The following FAM199X variants were observed in gnomAD, a reference collection of about 807,000 sequenced individuals.
FAM199X encodes protein FAM199X.
A neutral mutation model predicts 22.9 loss-of-function variants in FAM199X; 4 were observed. The observed-to-expected ratio is 0.17, with a 90% CI of 0.09 to 0.40. The LOEUF (loss-of-function observed/expected upper bound fraction) is 0.40. FAM199X is among the 10% of genes least tolerant of loss of function. The pLI is 1.00. For missense variants in FAM199X, 183 were observed against 306.8 expected, an observed-to-expected ratio of 0.60 and a Z score of 3.01; for synonymous variants, 101 against 112.3, an observed-to-expected ratio of 0.90 and a Z score of 0.64.
In FAM199X at chrX:104,179,682, T is replaced by C. The variant is rs1489489197; in HGVS notation, c.417+3840T>C. Among the ~76,000 whole-genome samples, 4 of 111,655 alleles carry C rather than the reference T, an allele frequency of 3.6e-5. No individual in the cohort carries two copies. In the Admixed American group the frequency reaches 3.8e-4, roughly 11 times the overall value. On this transcript the variant is annotated intron_variant, in intron 2 of 5. Coordinates refer to ENST00000493442, the MANE Select transcript of FAM199X (RefSeq NM_207318.4). ...GCTAGATCTCCTGTACAGTGTTGAA[T>C]AGAAGTGGTGAAAGTGAGCATCCTT... is the stretch of plus-strand genomic sequence containing the variant.
the FAM199X span, among the ~76,000 whole-genome samples, chrX:104,157,692 A>G: frequency 8.9e-6 from 1 of 112,081 alleles, no homozygotes; most frequent in Non-Finnish European, 1.9e-5. Context: ...TCTGGCTAAT[A>G]AATAATAAAT....
upstream of FAM199X, among the ~76,000 whole-genome samples, chrX:104,165,828 T>C (rs1015386417): frequency 1.8e-5 from 2 of 111,328 alleles, no homozygotes; most frequent in Admixed American, 1.9e-4. Context: ...TAGTCTCCTT[T>C]GGGAGTCAGG....
chrX:104,192,593 T>G lies in FAM199X; in HGVS notation c.*2815T>G, dbSNP rs1921967368. The G allele has an allele frequency of 8.9e-6, 1 of 112,013 alleles. No homozygotes were observed. Among genetic ancestry groups the G allele is most frequent in the Non-Finnish European group, 1.9e-5 (1 of 53,015 alleles). 9.2% of individuals were successfully genotyped at this position (112,013 alleles called of 1,213,427 possible). On this transcript the variant is annotated 3_prime_UTR_variant, in exon 6 of 6. Coordinates refer to ENST00000493442, the MANE Select transcript of FAM199X (RefSeq NM_207318.4). ...TTAACAAAATGACATATATAATATT[T>G]TTCTATAGTTTTGCAACTGAATTAA...
At chrX:104,165,737 ACAAGTTGATT>A (rs1440204339), upstream of FAM199X, among the ~76,000 whole-genome samples, 1 of 111,154 alleles carries the variant, frequency 9.0e-6, no homozygotes, top group Non-Finnish European at 1.9e-5. Context: ...ATAACACCTA[ACAAGTTGATT>A]CAAGTTGAAC....
At chrX:104,176,168 G>A (rs1335144641) in intron 2 of FAM199X, among the ~76,000 whole-genome samples, 4 of 111,752 alleles carry the variant, frequency 3.6e-5, no homozygotes, top group African/African-American at 9.7e-5. Context: ...AATAGCTTTT[G>A]TGTCCTTATA....
intron 2 of FAM199X, among the ~76,000 whole-genome samples, chrX:104,181,539 C>G (rs1367446432): frequency 8.9e-6 from 1 of 112,136 alleles, no homozygotes; most frequent in Non-Finnish European, 1.9e-5. Context: ...AAAATAGACT[C>G]TGCTTAGTGA....
At chrX:104,171,288 A>G (rs1205947769) in intron 1 of FAM199X, among the ~76,000 whole-genome samples, 7 of 111,299 alleles carry the variant, frequency 6.3e-5, no homozygotes, top group Non-Finnish European at 1.1e-4. Flanking sequence ...AAATTTGGGC[A>G]GCAAGCCTAG....
intron 4 of FAM199X, 146 bp downstream of exon 4, chrX:104,186,767 A>G (rs1325756281): frequency 1.9e-6 from 1 of 523,007 alleles, no homozygotes; most frequent in African/African-American, 2.4e-5. Flanking sequence ...ATGATGGCAC[A>G]TTGATTTAAG....
chrX:104,180,990 CT>C (rs1262158051), intron 2 of FAM199X, among the ~76,000 whole-genome samples: 2 of 112,037 alleles, frequency 1.8e-5, no homozygotes, highest in Non-Finnish European at 3.8e-5. Flanking sequence ...TGATAATTTT[CT>C]TTGCTTTCAG....
chrX:104,170,507 A>G (rs1376700095), intron 1 of FAM199X, among the ~76,000 whole-genome samples: 1 of 112,068 alleles, frequency 8.9e-6, no homozygotes, highest in Non-Finnish European at 1.9e-5. Context: ...GAAGGTTTTC[A>G]ATAAATTTAG....
At chrX:104,178,940 C>A (rs1242026440) in intron 2 of FAM199X, among the ~76,000 whole-genome samples, 1 of 111,143 alleles carries the variant, frequency 9.0e-6, no homozygotes, top group Non-Finnish European at 1.9e-5. Context: ...CCAGCCTGGG[C>A]AACAAGGCAA....
chrX:104,190,202 T>C lies in FAM199X; in HGVS notation c.*424T>C, dbSNP rs1238625140. On this transcript the variant is annotated 3_prime_UTR_variant, in exon 6 of 6. Coordinates refer to ENST00000493442, the MANE Select transcript of FAM199X (RefSeq NM_207318.4). ...GTACTGCTGACAGTAGTTTATTATGTCAGTATACATACATGTGTAGAGATC... is the reference window on the plus strand; with the variant it reads ...GTACTGCTGACAGTAGTTTATTATGCCAGTATACATACATGTGTAGAGATC... The C allele has an allele frequency of 8.3e-6, 1 of 120,247 alleles. No homozygotes were observed. Among genetic ancestry groups the C allele is most frequent in the Non-Finnish European group, 1.7e-5 (1 of 58,095 alleles). The allele number at this position is 120,247 out of a possible 1,213,427, so 9.9% of individuals were successfully genotyped here. A position where few individuals can be genotyped will look rare whatever the true frequency, so the allele number is the denominator to read the frequency against.
At chrX:104,187,927 T>G in intron 4 of FAM199X, 113 bp from the exon 5 acceptor site, 6 of 931,192 alleles carry the variant, frequency 6.4e-6, no homozygotes, top group Non-Finnish European at 9.0e-6. Context: ...CGTATGCATC[T>G]GCAGCACTTT....
intron 5 of FAM199X, among the ~76,000 whole-genome samples, chrX:104,188,975 G>C (rs1921870547): frequency 8.9e-6 from 1 of 111,868 alleles, no homozygotes; most frequent in South Asian, 3.7e-4. Context: ...GATACACAAT[G>C]ATTCTTTCCC....
In FAM199X at chrX:104,166,938, C is replaced by G; in HGVS notation, c.153C>G (p.Ser51=). ...LDISDFGCQL[S]SCHRTDPLHR... is the part of the protein sequence containing the mutation. The stretch of plus-strand genomic sequence containing the variant: ...TCAGCGACTTCGGCTGCCAGCTGTC[C>G]TCCTGCCATCGCACCGACCCGCTCC... The change falls in exon 1 of 6, where the codon TCC becomes TCG. Residue 51 remains serine, a synonymous_variant. Coordinates refer to ENST00000493442, the MANE Select transcript of FAM199X (RefSeq NM_207318.4). 2.5e-6 allele frequency: 3 copies of G among 1,190,296 alleles called. No individual in the cohort carries two copies. The highest frequency in any genetic ancestry group is 3.4e-6 in the Non-Finnish European group (3 of 884,133).
rs1261369190 is a variant in FAM199X, at chrX:104,183,015, G to GA, written c.418-3042dup. ...CTCTGGGATCTTTTTACTTATCCCT[G>GA]AAAAAAAAATGACCAAGGTACCATT... On this transcript the variant is annotated intron_variant, in intron 2 of 5. Transcript: ENST00000493442. Among the ~76,000 whole-genome samples the GA allele has an allele frequency of 5.9e-4, 64 of 108,220 alleles. 1 individual carries two copies. The highest frequency in any genetic ancestry group is 2.0e-3 in the African/African-American group (61 of 29,792). The allele number at this position is 108,220 out of a possible 115,157, so 94.0% of individuals were successfully genotyped here.
At chrX:104,167,901 G>C (rs952397464) in intron 1 of FAM199X, among the ~76,000 whole-genome samples, 1 of 109,492 alleles carries the variant, frequency 9.1e-6, no homozygotes, top group Non-Finnish European at 1.9e-5. Flanking sequence ...AGGGCTGGGG[G>C]GGTGTGTGGT....
At chrX:104,189,380 T>C (rs1556379882) in intron 5 of FAM199X, among the ~76,000 whole-genome samples, 1 of 111,734 alleles carries the variant, frequency 8.9e-6, no homozygotes, top group African/African-American at 3.3e-5. Flanking sequence ...AAAATGATCG[T>C]CTCAACTCTT....
rs1556379194 is a variant in FAM199X, at chrX:104,186,603, A to G, written c.711A>G (p.Thr237=). Residue 237 remains threonine (T), a synonymous_variant, in exon 4 of 6, where the codon ACA becomes ACG. Coordinates refer to ENST00000493442, the MANE Select transcript of FAM199X (RefSeq NM_207318.4). ...SEFIIELNCL[T]DEKLKQVRNY... The stretch of plus-strand genomic sequence containing the variant: ...TTATTATTGAACTTAACTGTCTCAC[A>G]GATGAAAAACTGAAGCAGGTATGTA... The G allele has an allele frequency of 8.3e-7, 1 of 1,205,275 alleles. No homozygotes were observed.
Sources: allele counts gnomAD v4.1 joint callset (sites outside exome capture counted in the v4.1 genomes callset), GRCh38; gene constraint gnomAD v4.1.1; transcripts MANE v1.5; gene names NCBI Gene and HGNC (gene_info 2026-07-23, HGNC 2026-07-21).